Variants in ZNF407 observed in about 807,000 individuals in gnomAD.
ZNF407 encodes the protein zinc finger protein 407.
In ZNF407, 17 loss-of-function variants were observed where a neutral mutation model predicts 131.2. The ratio of observed to expected loss-of-function variants is 0.13; its 90% confidence interval spans 0.09 to 0.19. The LOEUF (loss-of-function observed/expected upper bound fraction) is 0.19, where lower values mean the gene tolerates loss of function less well. Ranked by LOEUF, ZNF407 falls within the 10% of genes least tolerant of loss-of-function variation. The pLI is 1.00. For synonymous variants in ZNF407, 1,156 were observed against 1,062.0 expected (o/e 1.09, Z -1.72); for missense variants, 2,681 against 2,830.6 (o/e 0.95, Z 1.20).
intron 3 of ZNF407, among the ~76,000 whole-genome samples, chr18:74,681,368 C>T (rs537263287): frequency 6.6e-5 from 10 of 152,184 alleles, no homozygotes; most frequent in African/African-American, 2.4e-4. Flanking sequence ...CCCAGCTTCC[C>T]AAGTAGCTGG....
intron 7 of ZNF407, chr18:74,898,437 C>T (rs1971481562): frequency 6.6e-6 from 1 of 152,084 alleles, no homozygotes; most frequent in Admixed American, 6.6e-5. Context: ...TTTGGTAAAA[C>T]AATGTTGCAC....
chr18:74,963,125 C>T (rs1972367259), intron 8 of ZNF407, among the ~76,000 whole-genome samples: 1 of 150,994 alleles, frequency 6.6e-6, no homozygotes, highest in African/African-American at 2.4e-5. Flanking sequence ...TAATTTTTCT[C>T]TCATTTCCAT....
chr18:74,755,543 C>T (rs1164298264), intron 3 of ZNF407, among the ~76,000 whole-genome samples: 1 of 85,760 alleles, frequency 1.2e-5, no homozygotes, highest in Non-Finnish European at 2.3e-5. Context: ...CTCTCTCCCT[C>T]CCTCCCTTCC....
chr18:74,870,932 G>A (rs746579122), intron 4 of ZNF407, among the ~76,000 whole-genome samples: 3 of 152,302 alleles, frequency 2.0e-5, no homozygotes, highest in African/African-American at 4.8e-5. Context: ...TCTAGTGTCT[G>A]TGTTGTATGA....
chr18:74,866,757 ATTATT>A (rs1395286743), intron 4 of ZNF407, among the ~76,000 whole-genome samples: 2 of 149,610 alleles, frequency 1.3e-5, no homozygotes, highest in African/African-American at 2.4e-5. Context: ...TTATTCATTG[ATTATT>A]TTATTCATTT....
intron 3 of ZNF407, among the ~76,000 whole-genome samples, chr18:74,721,502 T>C (rs1438483072): frequency 6.6e-6 from 1 of 152,152 alleles, no homozygotes; most frequent in Non-Finnish European, 1.5e-5. Context: ...CTAAAGACCC[T>C]GCCAAAAAAT....
At chr18:75,030,768 G>C (rs1405046707) in intron 8 of ZNF407, among the ~76,000 whole-genome samples, 1 of 152,104 alleles carries the variant, frequency 6.6e-6, no homozygotes. Context: ...AAGACAGTGG[G>C]GTAGGAAGAG....
intron 8 of ZNF407, among the ~76,000 whole-genome samples, chr18:75,029,858 A>G (rs1160916853): frequency 1.3e-5 from 2 of 152,250 alleles, no homozygotes; most frequent in Non-Finnish European, 2.9e-5. Flanking sequence ...CTCAAAGTCC[A>G]TAAGAAAACA....
chr18:74,998,268 C>G (rs1972802374), intron 8 of ZNF407, among the ~76,000 whole-genome samples: 1 of 152,116 alleles, frequency 6.6e-6, no homozygotes, highest in Non-Finnish European at 1.5e-5. Context: ...CAGTGAAGGG[C>G]AAAGCAAAAA....
intron 8 of ZNF407, among the ~76,000 whole-genome samples, chr18:74,987,883 G>C (rs1443554663): frequency 1.3e-5 from 2 of 152,156 alleles, no homozygotes; most frequent in Non-Finnish European, 2.9e-5. Flanking sequence ...TCCCCACATT[G>C]ATCTATAGAT....
At chr18:74,611,091 G>A (rs1004956774) in intron 1 of ZNF407, among the ~76,000 whole-genome samples, 4 of 152,104 alleles carry the variant, frequency 2.6e-5, no homozygotes, top group African/African-American at 7.2e-5. Flanking sequence ...ACTTCCTGAG[G>A]GTGGGGTATG....
chr18:74,847,683 A>G (rs946182463), intron 4 of ZNF407, among the ~76,000 whole-genome samples: 2 of 152,208 alleles, frequency 1.3e-5, no homozygotes, highest in African/African-American at 4.8e-5. Flanking sequence ...GAAAGTCGAC[A>G]ACATGTGTAG....
At chr18:75,049,039 T>A (rs768429259) in intron 8 of ZNF407, among the ~76,000 whole-genome samples, 2 of 135,650 alleles carry the variant, frequency 1.5e-5, no homozygotes, top group Non-Finnish European at 3.0e-5. Context: ...GAGTGGTGAG[T>A]GCTCATGGCC....
intron 1 of ZNF407, among the ~76,000 whole-genome samples, chr18:74,621,089 G>A (rs1320165971): frequency 1.7e-4 from 18 of 104,694 alleles, no homozygotes; most frequent in East Asian, 3.8e-4. Flanking sequence ...TTTAAAACTC[G>A]CTCTACTGTA....
chr18:75,007,357 A>C (rs929369371), intron 8 of ZNF407, among the ~76,000 whole-genome samples: 11 of 152,096 alleles, frequency 7.2e-5, no homozygotes, highest in Non-Finnish European at 1.5e-5. Context: ...ACATTTTAAC[A>C]CACATGTGAC....
In ZNF407 at chr18:74,631,243, G is replaced by A. The variant is rs749721516; in HGVS notation, c.224G>A (p.Arg75His). Residue 75 changes from arginine (R) to histidine (H), a missense_variant, in exon 2 of 9, where the codon CGC becomes CAC. By Grantham distance (29) the Arg-to-His change is conservative (BLOSUM62 0). Around this residue, in one of 6 missense-constraint regions of ZNF407, gnomAD observed 1,789 missense variants for 1,748.7 expected, o/e 1.02. Transcript: ENST00000299687. ...GACAGAAATAAACATGCTTCCAAACGCAGGAAATTAGATGAGGCAGAGCCC... is the reference window on the plus strand; with the variant it reads ...GACAGAAATAAACATGCTTCCAAACACAGGAAATTAGATGAGGCAGAGCCC... Reference protein sequence around the residue: ...GEDRNKHASKRRKLDEAEPLK... With the variant: ...GEDRNKHASKHRKLDEAEPLK... 1.9e-6 allele frequency: 3 copies of A among 1,613,886 alleles called. No individual in the cohort carries two copies. The highest frequency in any genetic ancestry group is 2.2e-5 in the East Asian group (1 of 44,888).
At chr18:74,802,060 T>C (rs1402052551) in intron 4 of ZNF407, among the ~76,000 whole-genome samples, 1 of 152,186 alleles carries the variant, frequency 6.6e-6, no homozygotes, top group Non-Finnish European at 1.5e-5. Context: ...ATAAAATAAA[T>C]AGAATCTCAA....
chr18:74,609,759 C>A (rs1312539670), intron 1 of ZNF407, among the ~76,000 whole-genome samples: 1 of 152,158 alleles, frequency 6.6e-6, no homozygotes, highest in African/African-American at 2.4e-5. Context: ...TGTTTCAGCT[C>A]CGTTGTAATG....
In ZNF407 at chr18:74,798,751, C is replaced by A. The variant is rs563938359; in HGVS notation, c.4877+17249C>A. 4.6e-5 allele frequency among the ~76,000 whole-genome samples: 7 copies of A among 151,954 alleles called. No individual in the cohort carries two copies. The South Asian group carries it at 1.5e-3, about 32-fold the overall frequency. ...AAAAACAGTCTTTATTATTTTAGGC[C>A]TATGGGCTCATTTTGTAACTAGGGA... On this transcript the variant is annotated intron_variant, in intron 4 of 8. Coordinates refer to ENST00000299687, the MANE Select transcript of ZNF407 (RefSeq NM_017757.3).
Sources: allele counts gnomAD v4.1 joint callset (sites outside exome capture counted in the v4.1 genomes callset), GRCh38; gene constraint gnomAD v4.1.1; regional missense constraint gnomAD v4.1.1; transcripts MANE v1.5; gene names NCBI Gene and HGNC (gene_info 2026-07-23, HGNC 2026-07-21).